MAP3K5: variants seen among roughly 807,000 people sequenced by gnomAD.
The protein encoded by MAP3K5 is mitogen-activated protein kinase kinase kinase 5, also known as ASK-1.
Under a neutral mutation model 158.7 loss-of-function variants are expected in MAP3K5, and 56 were observed. The ratio of observed to expected loss-of-function variants is 0.35; its 90% CI spans 0.28 to 0.44. The LOEUF (loss-of-function observed/expected upper bound fraction) is 0.44, where lower values mean the gene tolerates loss of function less well. MAP3K5 is among the 20% of genes least tolerant of loss of function. The probability of loss-of-function intolerance (pLI) is 1.00; values close to 1 mark genes in which losing one functional copy is unlikely to be tolerated. For synonymous variants in MAP3K5, 579 were observed against 601.7 expected (o/e 0.96, Z 0.55); for missense variants, 1,294 against 1,674.8 (o/e 0.77, Z 3.97).
intron 1 of MAP3K5, among the ~76,000 whole-genome samples, chr6:136,730,597 C>T (rs901999391): frequency 2.6e-5 from 4 of 151,822 alleles, no homozygotes; most frequent in Non-Finnish European, 5.9e-5. Flanking sequence ...TGGCAGATGC[C>T]TGTAGTCCCA....
intron 13 of MAP3K5, among the ~76,000 whole-genome samples, chr6:136,638,186 A>G (rs1181829813): frequency 1.3e-5 from 2 of 152,162 alleles, no homozygotes; most frequent in Admixed American, 1.3e-4. Flanking sequence ...GAGAAAAGCT[A>G]GTTTAACCAA....
intron 1 of MAP3K5, among the ~76,000 whole-genome samples, chr6:136,777,032 A>G (rs1174911414): frequency 6.6e-6 from 1 of 152,190 alleles, no homozygotes; most frequent in Non-Finnish European, 1.5e-5. Context: ...TTCTTTTCCA[A>G]TTTTATTTCA....
intron 1 of MAP3K5, among the ~76,000 whole-genome samples, chr6:136,735,709 A>T (rs9321568): frequency 0.066 from 10,078 of 152,122 alleles, 1,130 homozygotes; most frequent in African/African-American, 0.23. Flanking sequence ...GCGTGCCTGC[A>T]GTCCCAGCTA....
chr6:136,622,653 T>C (rs1447461433), intron 15 of MAP3K5, among the ~76,000 whole-genome samples, 195 bp downstream of exon 15: 1 of 152,202 alleles, frequency 6.6e-6, no homozygotes, highest in Non-Finnish European at 1.5e-5. Flanking sequence ...TTCTAGTCTT[T>C]GAAAGCCCCG....
At chr6:136,563,693 C>A (rs1830615403) in intron 26 of MAP3K5, among the ~76,000 whole-genome samples, 1 of 152,174 alleles carries the variant, frequency 6.6e-6, no homozygotes. Context: ...AACCTACTCA[C>A]CATTTCCAAT....
At chr6:136,585,119 G>GA (rs1775066599) in intron 23 of MAP3K5, among the ~76,000 whole-genome samples, 4 of 120,030 alleles carry the variant, frequency 3.3e-5, no homozygotes. Flanking sequence ...TTTTTTTTTT[G>GA]TTTTTTTTTA....
intron 25 of MAP3K5, among the ~76,000 whole-genome samples, chr6:136,568,219 A>T (rs914777772): frequency 5.3e-5 from 8 of 152,254 alleles, no homozygotes; most frequent in African/African-American, 1.9e-4. Flanking sequence ...AAGAATATTT[A>T]AAAGTGTTTA....
intron 23 of MAP3K5, among the ~76,000 whole-genome samples, chr6:136,588,992 TG>T (rs1322317937): frequency 6.6e-6 from 1 of 152,228 alleles, no homozygotes; most frequent in African/African-American, 2.4e-5. Flanking sequence ...GAGGCCCTAC[TG>T]GCACATATAT....
At chr6:136,580,565 T>C (rs995215096) in intron 24 of MAP3K5, among the ~76,000 whole-genome samples, 159 bp from the exon 25 acceptor site, 2 of 152,318 alleles carry the variant, frequency 1.3e-5, no homozygotes, top group South Asian at 2.1e-4. Flanking sequence ...AAAGTAAAAA[T>C]TGCTACTTCA....
intron 1 of MAP3K5, among the ~76,000 whole-genome samples, chr6:136,754,048 G>C (rs1783346678): frequency 6.6e-6 from 1 of 152,052 alleles, no homozygotes; most frequent in South Asian, 2.1e-4. Context: ...CTGACACAGA[G>C]AATCGCTTGA....
intron 1 of MAP3K5, among the ~76,000 whole-genome samples, chr6:136,748,780 CT>C (rs1783068671): frequency 6.6e-6 from 1 of 152,168 alleles, no homozygotes; most frequent in South Asian, 2.1e-4. Flanking sequence ...AAGAGAATAA[CT>C]TCTAAGAAAT....
At chr6:136,697,964 C>T (rs917593568) in intron 4 of MAP3K5, among the ~76,000 whole-genome samples, 2 of 152,212 alleles carry the variant, frequency 1.3e-5, no homozygotes, top group East Asian at 1.9e-4. Flanking sequence ...AGGCTGGTCT[C>T]GAACTCCTGA....
rs1399049147 is a variant in MAP3K5 at position 136,720,466 on chromosome 6, G to C, written c.572C>G (p.Ser191Cys). The C allele has an allele frequency of 6.2e-7, 1 of 1,607,138 alleles. No homozygotes were observed. Among genetic ancestry groups the C allele is most frequent in the East Asian group, 2.3e-5 (1 of 44,400 alleles). Residue 191 changes from serine to cysteine, a missense_variant, in exon 2 of 30, where the codon TCT becomes TGT. Coordinates refer to ENST00000359015, the MANE Select transcript of MAP3K5 (RefSeq NM_005923.4). ...IILYCDTNSDSLQSLKEIICQ... is the reference protein window; with the variant it reads ...IILYCDTNSDCLQSLKEIICQ... ...GGGAGGTACCTTCAGTGACTGCAGA[G>C]AGTCCGAGTTAGTATCACAGTAGAG...
chr6:136,792,162 C>T lies in MAP3K5; in HGVS notation c.-5G>A, dbSNP rs746030178. The stretch of plus-strand genomic sequence containing the variant: ...CTCGTCCGCCTCCGTGCTCATCTCT[C>T]CGGGCCGGGCAGCAACGGCGGCGGC... On this transcript the variant is annotated 5_prime_UTR_variant, in exon 1 of 30. Transcript: ENST00000359015. The surrounding 1 kb of genome is among the most constrained non-coding windows in gnomAD (Gnocchi z 5.7). The T allele has an allele frequency of 8.4e-6, 13 of 1,547,112 alleles. No individual in the cohort carries two copies. The highest frequency in any genetic ancestry group is 1.4e-5 in the African/African-American group (1 of 72,018).
In MAP3K5 at chr6:136,622,701, A is replaced by T. The variant is rs76034862; in HGVS notation, c.2150+147T>A. ...AGTCTGGCACTTCAAACACTGAATGATGCAGCAGCGAAACCTCAGAAGGAG... is the reference window on the plus strand; with the variant it reads ...AGTCTGGCACTTCAAACACTGAATGTTGCAGCAGCGAAACCTCAGAAGGAG... On this transcript the variant is annotated intron_variant, in intron 15 of 29. Transcript: ENST00000359015. 2.9e-3 allele frequency: 2,386 copies of T among 818,686 alleles called. 37 individuals are homozygous for T. In the African/African-American group the frequency reaches 0.032, roughly 11 times the overall value. 50.7% of individuals were successfully genotyped at this position (818,686 alleles called of 1,614,324 possible).
chr6:136,568,819 C>T (rs1774233882), intron 25 of MAP3K5, among the ~76,000 whole-genome samples: 1 of 141,338 alleles, frequency 7.1e-6, no homozygotes. Flanking sequence ...GATCATGCCA[C>T]TGTACTCCAA....
chr6:136,649,900 C>T (rs1345168607), intron 11 of MAP3K5, among the ~76,000 whole-genome samples: 1 of 152,188 alleles, frequency 6.6e-6, no homozygotes, highest in Admixed American at 6.6e-5. Context: ...AGCCAAGTTG[C>T]CCAAGGGCAG....
chr6:136,718,843 A>T (rs1013080084), intron 2 of MAP3K5, among the ~76,000 whole-genome samples: 2 of 152,214 alleles, frequency 1.3e-5, no homozygotes, highest in Non-Finnish European at 2.9e-5. Context: ...AGAAAGTAAA[A>T]AATCTCCAAC....
intron 1 of MAP3K5, among the ~76,000 whole-genome samples, chr6:136,759,281 C>G (rs1042991675): frequency 6.6e-5 from 10 of 151,602 alleles, no homozygotes; most frequent in African/African-American, 2.4e-4. Flanking sequence ...TGAACATAGG[C>G]TGAACAATAC....
Sources: gnomAD v4.1 joint callset for allele counts (sites outside exome capture counted in the v4.1 genomes callset) on GRCh38, gnomAD v4.1.1 for gene constraint, Gnocchi (gnomAD v3.1) non-coding constraint, MANE v1.5 for transcripts, NCBI Gene and HGNC (gene_info 2026-07-23, HGNC 2026-07-21) for gene names.